Variants in AMZ1 observed in about 807,000 individuals in gnomAD.
AMZ1 encodes archaemetzincin-1.
AMZ1 carries 39 observed loss-of-function variants against 29.9 expected under a neutral mutation model. The ratio of observed to expected loss-of-function variants is 1.30; its 90% CI spans 1.01 to 1.70. The LOEUF is 1.70. Among genes scored for constraint, AMZ1 ranks in the 40% most tolerant of loss-of-function variants. The pLI, the probability that AMZ1 is intolerant of heterozygous loss-of-function variation, is 0.00. For missense variants in AMZ1, 1,041 were observed against 680.6 expected, an observed-to-expected ratio of 1.53 and a Z score of -5.89; for synonymous variants, 458 against 304.0, an observed-to-expected ratio of 1.51 and a Z score of -5.27.
At chr7:2,762,204 TAGG>T (rs34186365), upstream of AMZ1, 2 of 169,688 alleles carry the variant, frequency 1.2e-5, no homozygotes, top group Non-Finnish European at 2.5e-5. Flanking sequence ...GCTTCGTTTC[TAGG>T]AGAAGTTGTA....
chr7:2,712,218 C>T, intron 6 of AMZ1, 112 bp from the exon 7 acceptor site: 1 of 1,182,444 alleles, frequency 8.5e-7, no homozygotes, highest in Non-Finnish European at 1.2e-6. Context: ...GACTCCCGCC[C>T]CTGGGTAACT....
intron 4 of AMZ1, among the ~76,000 whole-genome samples, chr7:2,748,053 A>G (rs1037410829): frequency 4.8e-4 from 73 of 151,002 alleles, no homozygotes; most frequent in Non-Finnish European, 7.1e-4. Flanking sequence ...ATGGGTAGGA[A>G]GAATCGATAT....
chr7:2,708,632 C>T lies in AMZ1; in HGVS notation c.517C>T (p.Leu173=). The part of the protein sequence containing the change: ...FLKNNKPGDA[L]CVLGLTLSDL... ...GAAGAACAACAAGCCAGGGGACGCG[C>T]TGTGTGTGCTGGGCCTCACACTGTC... is the stretch of plus-strand genomic sequence containing the variant. Residue 173 remains leucine, a synonymous_variant, in exon 4 of 7, where the codon CTG becomes TTG. Transcript: ENST00000683327. 6.2e-7 allele frequency: 1 copy of T among 1,613,206 alleles called. No individual in the cohort carries two copies. The highest frequency in any genetic ancestry group is 8.5e-7 in the Non-Finnish European group (1 of 1,179,988).
chr7:2,709,368 T>C (rs2115166330), intron 5 of AMZ1, 124 bp downstream of exon 5: 3 of 1,145,622 alleles, frequency 2.6e-6, no homozygotes, highest in Non-Finnish European at 3.6e-6. Flanking sequence ...CTCTATGGAA[T>C]GAGGAAAGCA....
chr7:2,701,396 G>A (rs7779657), intron 2 of AMZ1, among the ~76,000 whole-genome samples: 17,307 of 152,188 alleles, frequency 0.11, 2,979 homozygotes, highest in African/African-American at 0.38. Flanking sequence ...TGGGGCTGGG[G>A]TGCTCATCCT....
Position 2,717,073 on chromosome 7 carries a change from CA to C in AMZ1, c.*4196del, listed in dbSNP as rs1463753546. ...TCCCTGAGCAGCCCCCACACACCGG[CA>C]CCCACGCCCCTCGGTTCTGATAACC... On this transcript the variant is annotated 3_prime_UTR_variant, in exon 7 of 7. Transcript: ENST00000683327. Among the ~76,000 whole-genome samples, 1 of 152,192 alleles carries C rather than the reference CA, an allele frequency of 6.6e-6. No homozygotes were observed. Among genetic ancestry groups the C allele is most frequent in the Non-Finnish European group, 1.5e-5 (1 of 68,040 alleles).
intron 4 of AMZ1, among the ~76,000 whole-genome samples, chr7:2,743,571 C>A (rs1036816255): frequency 1.3e-5 from 2 of 152,072 alleles, no homozygotes; most frequent in Non-Finnish European, 2.9e-5. Context: ...CCAAGATGGC[C>A]GAATAGGAAC....
intron 4 of AMZ1, among the ~76,000 whole-genome samples, chr7:2,738,545 A>G (rs949108264): frequency 1.1e-4 from 17 of 152,148 alleles, no homozygotes; most frequent in Admixed American, 1.1e-3. Flanking sequence ...GCGGGAGACT[A>G]AAACCCATAT....
At chr7:2,703,015 C>T (rs1294296162) in intron 3 of AMZ1, 126 bp downstream of exon 3, 9 of 1,337,464 alleles carry the variant, frequency 6.7e-6, no homozygotes, top group East Asian at 5.3e-5. Context: ...CATCCATTTC[C>T]CAGGTGTTTG....
At chr7:2,709,975 G>A (rs536788619) in intron 6 of AMZ1, among the ~76,000 whole-genome samples, 159 bp downstream of exon 6, 1 of 152,346 alleles carries the variant, frequency 6.6e-6, no homozygotes, top group South Asian at 2.1e-4. Context: ...CTGGGGTTGA[G>A]CTCCATCCGG....
intron 4 of AMZ1, among the ~76,000 whole-genome samples, chr7:2,758,911 G>C (rs1051672870): frequency 6.6e-6 from 1 of 152,092 alleles, no homozygotes; most frequent in Non-Finnish European, 1.5e-5. Flanking sequence ...CTGGGAGGCC[G>C]AGGTGGATCA....
At chr7:2,751,782 TA>T (rs200651719) in intron 4 of AMZ1, among the ~76,000 whole-genome samples, 1,604 of 152,342 alleles carry the variant, frequency 0.011, 30 homozygotes, top group African/African-American at 0.036. Context: ...CAAATTGCTT[TA>T]AAAAATTTAA....
intron 4 of AMZ1, 152 bp from the exon 5 acceptor site, chr7:2,708,923 C>G: frequency 7.9e-7 from 1 of 1,266,882 alleles, no homozygotes; most frequent in Non-Finnish European, 1.1e-6. Context: ...TGCCCCAGGG[C>G]CCAACTTCAT....
chr7:2,708,745 G>C (rs201423636), intron 4 of AMZ1, 29 bp downstream of exon 4: 7 of 1,610,792 alleles, frequency 4.3e-6, no homozygotes, highest in Middle Eastern at 1.9e-4. Context: ...AGCTGTGCGT[G>C]GGGGGTAGCC....
At position 2,718,803 on chromosome 7, in the gene AMZ1, C is replaced by G. The variant is rs1235419662; in HGVS notation, c.*5925C>G. 6.6e-6 allele frequency among the ~76,000 whole-genome samples: 1 copy of G among 152,152 alleles called. No individual in the cohort carries two copies. Among genetic ancestry groups the G allele is most frequent in the Non-Finnish European group, 1.5e-5 (1 of 68,028 alleles). On this transcript the variant is annotated 3_prime_UTR_variant, in exon 7 of 7. Transcript: ENST00000683327. ...TGCGTCCGGCTCTCAGGGACTTCCT[C>G]TCCCTGTGCTCTGCCCACCTGGGGT... is the stretch of plus-strand genomic sequence containing the variant.
At chr7:2,752,206 A>G (rs1447317398) in intron 4 of AMZ1, among the ~76,000 whole-genome samples, 1 of 152,224 alleles carries the variant, frequency 6.6e-6, no homozygotes, top group African/African-American at 2.4e-5. Context: ...TAGATGCAGA[A>G]AAAAAGCATG....
At chr7:2,685,383 C>T (rs547616566), upstream of AMZ1, among the ~76,000 whole-genome samples, 2 of 151,408 alleles carry the variant, frequency 1.3e-5, no homozygotes, top group East Asian at 2.0e-4. Context: ...CAGGGTGAAG[C>T]CCTGTCCTTC....
At chr7:2,733,616 A>G in intron 4 of AMZ1, 1 of 757,752 alleles carries the variant, frequency 1.3e-6, no homozygotes. Context: ...GTGAATGGGA[A>G]AGCAAAGGAA....
At chr7:2,700,134 GCTT>G (rs556244317) in intron 1 of AMZ1, 97 bp from the exon 2 acceptor site, 162 of 389,836 alleles carry the variant, frequency 4.2e-4, no homozygotes, top group African/African-American at 3.1e-3. Flanking sequence ...CCTCTGCAGA[GCTT>G]CTCCCCAGGC....
Sources: allele counts gnomAD v4.1 joint callset (sites outside exome capture counted in the v4.1 genomes callset), GRCh38; gene constraint gnomAD v4.1.1; transcripts MANE v1.5; gene names NCBI Gene and HGNC (gene_info 2026-07-23, HGNC 2026-07-21).